Variants in SEZ6L2 observed in about 807,000 individuals in gnomAD.
SEZ6L2 encodes seizure related 6 homolog like 2, also known as seizure 6-like protein 2.
In SEZ6L2, 44 loss-of-function variants were observed where a neutral mutation model predicts 97.0. The observed-to-expected ratio is 0.45, with a 90% CI of 0.36 to 0.58. The LOEUF (loss-of-function observed/expected upper bound fraction) is 0.58. Ranked by LOEUF, SEZ6L2 falls within the 20% of genes least tolerant of loss-of-function variation. SEZ6L2 has a pLI of 0.00. For missense variants in SEZ6L2, 1,086 were observed against 1,233.3 expected (o/e 0.88, Z 1.79); for synonymous variants, 543 against 546.1 (o/e 0.99, Z 0.08).
At position 29,872,275 on chromosome 16, in the gene SEZ6L2, C is replaced by A; in HGVS notation, c.2654G>T (p.Gly885Val). 6.2e-7 allele frequency: 1 copy of A among 1,611,520 alleles called. No individual in the cohort carries two copies. Among genetic ancestry groups the A allele is most frequent in the Non-Finnish European group, 8.5e-7 (1 of 1,178,714 alleles). ...GCCCGAGAAGCCGAAAAGGGACTTT[C>A]CCTGAAGCCTGGGAAAGGGAGAGGA... ...GVYIYYTKLQ[G>V]KSLFGFSGSH... is the part of the protein sequence containing the mutation. The change falls in exon 17 of 18, where the codon GGA becomes GTA. Residue 885 changes from glycine (G) to valine (V), a missense_variant. Gly to Val is a moderately radical substitution (Grantham distance 109, BLOSUM62 -3). Around this residue, in one of 2 missense-constraint regions of SEZ6L2, gnomAD observed 310 missense variants for 438.6 expected, o/e 0.71. Transcript: ENST00000617533.
At chr16:29,877,208 C>T (rs1310808535) in intron 11 of SEZ6L2, 63 bp downstream of exon 11, 19 of 1,459,940 alleles carry the variant, frequency 1.3e-5, no homozygotes, top group Non-Finnish European at 1.7e-5. Context: ...CCACGACCGG[C>T]CACCTCCCGG....
intron 2 of SEZ6L2, among the ~76,000 whole-genome samples, chr16:29,897,551 G>C (rs987057814): frequency 7.2e-5 from 11 of 151,918 alleles, no homozygotes; most frequent in African/African-American, 2.7e-4. Context: ...CATTCTCTCT[G>C]TCTCTGTCTT....
At chr16:29,898,879 G>A in intron 1 of SEZ6L2, 62 bp downstream of exon 1, 1 of 1,282,560 alleles carries the variant, frequency 7.8e-7, no homozygotes, top group South Asian at 1.2e-5. Context: ...TAAGAGAAAG[G>A]AGGGTGGAGG....
rs536954013 is a variant in SEZ6L2, at chr16:29,885,744, A to G, written c.1214T>C (p.Met405Thr). 6.7e-5 allele frequency: 107 copies of G among 1,608,334 alleles called. No homozygotes were observed. The South Asian group carries it at 1.1e-3, about 17-fold the overall frequency. Reference protein sequence around the residue: ...VSLDEDNDRLMVRSGGSPLSP... With the variant: ...VSLDEDNDRLTVRSGGSPLSP... ...TAGGGGGCTGCCCCCTGAGCGCACC[A>G]TCAGCCTGGGATGGACAGAAACGTG... The change falls in exon 8 of 18, where the codon ATG (methionine) becomes ACG (threonine). Residue 405 changes from methionine (M) to threonine (T), a missense_variant. Coordinates refer to ENST00000617533, the MANE Select transcript of SEZ6L2 (RefSeq NM_001243332.2).
At chr16:29,879,841 T>C in intron 9 of SEZ6L2, 23 bp downstream of exon 9, 2 of 1,568,880 alleles carry the variant, frequency 1.3e-6, no homozygotes, top group East Asian at 2.3e-5. Context: ...CTGAAGGACA[T>C]GCCTGCGACA....
chr16:29,875,972 C>G (rs972854204), intron 12 of SEZ6L2, among the ~76,000 whole-genome samples: 4 of 152,060 alleles, frequency 2.6e-5, no homozygotes, highest in African/African-American at 4.8e-5. Flanking sequence ...GTCACCTCCT[C>G]TGTGAAATCT....
chr16:29,896,427 G>C (rs1238556339), intron 3 of SEZ6L2, among the ~76,000 whole-genome samples: 1 of 152,094 alleles, frequency 6.6e-6, no homozygotes, highest in Admixed American at 6.6e-5. Flanking sequence ...TTACAGGCAT[G>C]CGCCACCACG....
At position 29,873,921 on chromosome 16, in the gene SEZ6L2, T is replaced by C. The variant is rs908687579; in HGVS notation, c.2105-192A>G. Among the ~76,000 whole-genome samples, 5 of 152,060 alleles carry C rather than the reference T, an allele frequency of 3.3e-5. No homozygotes were observed. Among genetic ancestry groups the C allele is most frequent in the Non-Finnish European group, 7.4e-5 (5 of 67,950 alleles). ...CCCAGCAGGTCGAGGCTGCAGTGAA[T>C]GGTGACCACGCTACTGCACTCCAGC... On this transcript the variant is annotated intron_variant, in intron 12 of 17. Transcript: ENST00000617533. This position sits in a 1 kb window ranked among gnomAD's most constrained non-coding sequence, Gnocchi z 4.3.
Position 29,873,285 on chromosome 16 carries a change from G to A in SEZ6L2, c.2443C>T (p.Pro815Ser), listed in dbSNP as rs752141397. The A allele has an allele frequency of 1.2e-6, 2 of 1,614,040 alleles. No homozygotes were observed. Among genetic ancestry groups the A allele is most frequent in the Non-Finnish European group, 1.7e-6 (2 of 1,180,032 alleles). The change falls in exon 14 of 18, where the codon CCC becomes TCC. Residue 815 changes from proline (P) to serine (S), a missense_variant. By Grantham distance (74) the Pro-to-Ser change is moderately conservative. Coordinates refer to ENST00000617533, the MANE Select transcript of SEZ6L2 (RefSeq NM_001243332.2). This position sits in a 1 kb window ranked among gnomAD's most constrained non-coding sequence, Gnocchi z 4.3. Reference protein sequence around the residue: ...LIGEVTITCVPGHPSQWTSQP... With the variant: ...LIGEVTITCVSGHPSQWTSQP... The stretch of plus-strand genomic sequence containing the variant: ...CTGGTCCACTGGGAGGGGTGGCCGG[G>A]CACACAGGTGATGGTGACCTCGCCG...
At position 29,872,249 on chromosome 16, in the gene SEZ6L2, A is replaced by T. The variant is rs767224006; in HGVS notation, c.2680T>A (p.Ser894Thr). 4.3e-6 allele frequency: 7 copies of T among 1,612,290 alleles called. No individual in the cohort carries two copies. The highest frequency in any genetic ancestry group is 5.9e-6 in the Non-Finnish European group (7 of 1,179,284). Residue 894 changes from serine (S) to threonine (T), a missense_variant, in exon 17 of 18, where the codon TCC (serine) becomes ACC (threonine). Physicochemically the swap from Ser to Thr is moderately conservative, Grantham distance 58. This residue lies in a region of SEZ6L2 where 310 missense variants were observed against 438.6 expected (regional missense o/e 0.71). Coordinates refer to ENST00000617533, the MANE Select transcript of SEZ6L2 (RefSeq NM_001243332.2). ...QGKSLFGFSG[S>T]HSYSPITVES... Reference sequence around the variant, plus strand: ...ACGGTGATGGGGCTGTAGGAGTGGGAGCCCGAGAAGCCGAAAAGGGACTTT... The same window carrying T: ...ACGGTGATGGGGCTGTAGGAGTGGGTGCCCGAGAAGCCGAAAAGGGACTTT...
chr16:29,877,123 C>A, intron 11 of SEZ6L2, 148 bp downstream of exon 11: 1 of 1,060,396 alleles, frequency 9.4e-7, no homozygotes, highest in East Asian at 2.6e-5. Context: ...TAGCTCACTG[C>A]AGCCTCAACC....
chr16:29,873,223 C>T lies in SEZ6L2; in HGVS notation c.2488+17G>A, dbSNP rs62056402. 2.0e-3 allele frequency: 3,267 copies of T among 1,613,102 alleles called. 7 individuals are homozygous for T. The highest frequency in any genetic ancestry group is 2.6e-3 in the Non-Finnish European group (3,021 of 1,179,680). On this transcript the variant is annotated intron_variant, in intron 14 of 17. Coordinates refer to ENST00000617533, the MANE Select transcript of SEZ6L2 (RefSeq NM_001243332.2). This position sits in a 1 kb window ranked among gnomAD's most constrained non-coding sequence, Gnocchi z 4.3. The stretch of plus-strand genomic sequence containing the variant: ...CCGGACACTGGTGTGCCCCTCCTGC[C>T]CTGTCTGGCCAGGCACCTTTGCAGA...
In SEZ6L2 at chr16:29,896,898, C is replaced by G. The variant is rs2068405014; in HGVS notation, c.435G>C (p.Gly145=). 5.6e-6 allele frequency: 9 copies of G among 1,613,780 alleles called. No individual in the cohort carries two copies. Among genetic ancestry groups the G allele is most frequent in the Non-Finnish European group, 6.8e-6 (8 of 1,179,896 alleles). ...PSPASPGPPL[G]PEGGEEETTT... ...TCGTCTCCTCCTCTCCTCCCTCAGG[C>G]CCAAGGGGAGGCCCTGGGGAGGCAG... The change falls in exon 3 of 18, where the codon GGG becomes GGC. Residue 145 remains glycine (G), a synonymous_variant. Transcript: ENST00000617533.
chr16:29,877,411 G>A lies in SEZ6L2; in HGVS notation c.1769C>T (p.Ala590Val), dbSNP rs747929207. The A allele has an allele frequency of 3.7e-6, 6 of 1,612,312 alleles. No homozygotes were observed. In the Admixed American group the frequency reaches 8.4e-5, roughly 22 times the overall value. ...LTLFDGDGPSARVLAQLRGPQ... is the reference protein window; with the variant it reads ...LTLFDGDGPSVRVLAQLRGPQ... ...TCCCCGCAGCTGGGCCAAGACTCGG[G>A]CGCTGGGACCGTCCCCGTCGAACAG... The change falls in exon 11 of 18, where the codon GCC becomes GTC. Residue 590 changes from alanine to valine, a missense_variant. Ala to Val is a moderately conservative substitution (Grantham distance 64). Coordinates refer to ENST00000617533, the MANE Select transcript of SEZ6L2 (RefSeq NM_001243332.2).
chr16:29,875,744 C>T (rs746153611), intron 12 of SEZ6L2, among the ~76,000 whole-genome samples: 11 of 145,862 alleles, frequency 7.5e-5, no homozygotes, highest in Non-Finnish European at 1.5e-4. Context: ...CTTACTGCAA[C>T]CTCCACCTCC....
chr16:29,871,333 AG>A lies in SEZ6L2; in HGVS notation c.*365del, dbSNP rs2067775052. On this transcript the variant is annotated 3_prime_UTR_variant, in exon 18 of 18. Coordinates refer to ENST00000617533, the MANE Select transcript of SEZ6L2 (RefSeq NM_001243332.2). ...CAGGCCTAGGGCCAGGGCATCTGGG[AG>A]GGGGGCACCTTCGTGGCCAAGGGAA... is the stretch of plus-strand genomic sequence containing the variant. The A allele has an allele frequency of 5.7e-6, 2 of 349,698 alleles. No homozygotes were observed. The highest frequency in any genetic ancestry group is 6.9e-5 in the South Asian group (2 of 28,998). 21.7% of individuals were successfully genotyped at this position (349,698 alleles called of 1,614,324 possible). A position where few individuals can be genotyped will look rare whatever the true frequency, so the allele number is the denominator to read the frequency against.
chr16:29,890,202 G>C (rs945799042), intron 5 of SEZ6L2, among the ~76,000 whole-genome samples: 3 of 152,046 alleles, frequency 2.0e-5, no homozygotes, highest in African/African-American at 7.2e-5. Flanking sequence ...TGAGTATTAA[G>C]ATCTTTAAAG....
chr16:29,883,103 C>T (rs1313990352), intron 8 of SEZ6L2, among the ~76,000 whole-genome samples: 1 of 152,198 alleles, frequency 6.6e-6, no homozygotes. Context: ...ACCCATCCAT[C>T]ACAGCCGAGT....
intron 8 of SEZ6L2, among the ~76,000 whole-genome samples, chr16:29,881,450 G>C (rs2150791420): frequency 6.6e-6 from 1 of 152,132 alleles, no homozygotes; most frequent in Non-Finnish European, 1.5e-5. Flanking sequence ...CATCCATGCT[G>C]TTGCTGAAAC....
Sources: allele counts gnomAD v4.1 joint callset (sites outside exome capture counted in the v4.1 genomes callset), GRCh38; gene constraint gnomAD v4.1.1; regional missense constraint gnomAD v4.1.1; non-coding constraint Gnocchi (gnomAD v3.1); transcripts MANE v1.5; gene names NCBI Gene and HGNC (gene_info 2026-07-23, HGNC 2026-07-21).